Variants in CHST9 observed in about 807,000 individuals in gnomAD.
The protein encoded by CHST9 is carbohydrate sulfotransferase 9.
In CHST9, 41 loss-of-function variants were observed where a neutral mutation model predicts 44.4. The observed-to-expected ratio is 0.92, with a 90% CI of 0.72 to 1.20. The LOEUF (loss-of-function observed/expected upper bound fraction) is 1.20, where lower values mean the gene tolerates loss of function less well. Among genes scored for constraint, CHST9 ranks in the 50% most tolerant of loss-of-function variants. The probability of loss-of-function intolerance (pLI) is 0.00; values close to 1 mark genes in which losing one functional copy is unlikely to be tolerated. For synonymous variants in CHST9, 171 were observed against 178.4 expected (o/e 0.96, Z 0.33); for missense variants, 504 against 516.5 (o/e 0.98, Z 0.23).
At chr18:27,090,238 T>TA (rs1397026922) in intron 2 of CHST9, among the ~76,000 whole-genome samples, 2 of 152,242 alleles carry the variant, frequency 1.3e-5, no homozygotes, top group Non-Finnish European at 2.9e-5. Flanking sequence ...GCTGCATAGA[T>TA]ATCTTCTTTT....
At chr18:27,153,682 T>C (rs998772109) in intron 1 of CHST9, among the ~76,000 whole-genome samples, 4 of 151,938 alleles carry the variant, frequency 2.6e-5, no homozygotes, top group Non-Finnish European at 5.9e-5. Context: ...TTGAGATCCT[T>C]AACTTAATTA....
At chr18:27,075,207 AG>A (rs1456678196) in intron 2 of CHST9, among the ~76,000 whole-genome samples, 2 of 140,500 alleles carry the variant, frequency 1.4e-5, no homozygotes, top group East Asian at 4.1e-4. Flanking sequence ...ACATTTCATT[AG>A]TTGCAAGGAG....
chr18:26,965,223 G>A (rs58569620), intron 4 of CHST9, among the ~76,000 whole-genome samples: 16,109 of 152,170 alleles, frequency 0.11, 1,735 homozygotes, highest in African/African-American at 0.28. Flanking sequence ...GTCATGGCCC[G>A]AAGCTGCACT....
chr18:27,053,275 A>AAGAAGAAGAAGAAGAAGAG (rs1568151279), intron 2 of CHST9, among the ~76,000 whole-genome samples: 12 of 125,720 alleles, frequency 9.5e-5, no homozygotes, highest in African/African-American at 3.7e-4. Flanking sequence ...AAGGAGAAGG[A>AAGAAGAAGAAGAAGAAGAG]GAAGGAGAAG....
At chr18:27,168,115 C>T (rs1388687743) in intron 1 of CHST9, among the ~76,000 whole-genome samples, 2 of 148,846 alleles carry the variant, frequency 1.3e-5, no homozygotes, top group Non-Finnish European at 3.0e-5. Context: ...TGCTCTGTCG[C>T]GCAGGCTGGA....
chr18:27,163,766 T>G (rs964863694), intron 1 of CHST9, among the ~76,000 whole-genome samples: 2 of 151,978 alleles, frequency 1.3e-5, no homozygotes, highest in Non-Finnish European at 2.9e-5. Context: ...ACTTCCCGGG[T>G]GAGGCCATGC....
At chr18:27,018,448 A>C (rs1229042926) in intron 4 of CHST9, among the ~76,000 whole-genome samples, 2 of 152,190 alleles carry the variant, frequency 1.3e-5, no homozygotes, top group Non-Finnish European at 2.9e-5. Flanking sequence ...TCCCTACAAA[A>C]GAAAAAAACC....
At chr18:26,944,559 G>C (rs539605066) in intron 4 of CHST9, among the ~76,000 whole-genome samples, 193 bp from the exon 5 acceptor site, 2 of 151,056 alleles carry the variant, frequency 1.3e-5, no homozygotes, top group South Asian at 4.1e-4. Flanking sequence ...TAAATAAACT[G>C]TGTTAGGCAA....
chr18:27,036,867 A>G (rs1019412429), intron 3 of CHST9, among the ~76,000 whole-genome samples: 1 of 152,154 alleles, frequency 6.6e-6, no homozygotes, highest in African/African-American at 2.4e-5. Context: ...TGTAGGTATG[A>G]TGCTGTCCAG....
chr18:27,094,940 A>G (rs1420867912), intron 2 of CHST9, among the ~76,000 whole-genome samples: 1 of 152,206 alleles, frequency 6.6e-6, no homozygotes, highest in Non-Finnish European at 1.5e-5. Flanking sequence ...AGTGATTTGA[A>G]CAATTTTTAT....
In CHST9 at chr18:26,911,965, G is replaced by A. The variant is rs543464060; in HGVS notation, c.*4294C>T. 1 of 152,296 alleles carries A rather than the reference G, an allele frequency of 6.6e-6. No individual in the cohort carries two copies. The highest frequency in any genetic ancestry group is 1.5e-5 in the Non-Finnish European group (1 of 68,050). 9.4% of individuals were successfully genotyped at this position (152,296 alleles called of 1,614,324 possible). A position where few individuals can be genotyped will look rare whatever the true frequency, so the allele number is the denominator to read the frequency against. On this transcript the variant is annotated 3_prime_UTR_variant, in exon 6 of 6. Transcript: ENST00000618847. ...TGACTACAAACTAGTACTAGGGAAG[G>A]AGACTCAGGAAGAAGGGGATAATGC...
chr18:27,142,801 T>G lies in CHST9; in HGVS notation c.9A>C (p.Pro3=). ...GTTTGGGGTTCATGACCATTTCAGATGGCTGCATTTCTCCTTATTTCAGAA... is the reference window on the plus strand; with the variant it reads ...GTTTGGGGTTCATGACCATTTCAGAGGGCTGCATTTCTCCTTATTTCAGAA... The part of the protein sequence containing the change: MQ[P]SEMVMNPKQV... The change falls in exon 2 of 6, where the codon CCA becomes CCC. Residue 3 remains proline (P), a synonymous_variant. Coordinates refer to ENST00000618847, the MANE Select transcript of CHST9 (RefSeq NM_031422.6). 1.2e-6 allele frequency: 2 copies of G among 1,604,916 alleles called. No individual in the cohort carries two copies. The highest frequency in any genetic ancestry group is 8.5e-7 in the Non-Finnish European group (1 of 1,176,970).
At chr18:27,093,289 C>T (rs1461111241) in intron 2 of CHST9, among the ~76,000 whole-genome samples, 4 of 152,226 alleles carry the variant, frequency 2.6e-5, no homozygotes, top group African/African-American at 9.6e-5. Flanking sequence ...AGCTGTCAGA[C>T]AGGGACATTT....
rs1568151279 is a variant in CHST9, at chr18:27,053,275, A to AAGAG, written c.122-4773_122-4772insCTCT. On this transcript the variant is annotated intron_variant, in intron 2 of 5. Coordinates refer to ENST00000618847, the MANE Select transcript of CHST9 (RefSeq NM_031422.6). ...AAGAAGAAGAAGGAGAAGGAGAAGG[A>AAGAG]GAAGGAGAAGGAGAAGGAGAAGGAG... is the stretch of plus-strand genomic sequence containing the variant. 7.5e-4 allele frequency among the ~76,000 whole-genome samples: 94 copies of AAGAG among 125,716 alleles called. 2 individuals carry two copies. The highest frequency in any genetic ancestry group is 2.6e-3 in the African/African-American group (85 of 32,350). 82.5% of individuals were successfully genotyped at this position (125,716 alleles called of 152,430 possible). A position where few individuals can be genotyped will look rare whatever the true frequency, so the allele number is the denominator to read the frequency against.
intron 4 of CHST9, among the ~76,000 whole-genome samples, chr18:26,973,435 G>A (rs1225411517): frequency 6.6e-6 from 1 of 152,166 alleles, no homozygotes; most frequent in African/African-American, 2.4e-5. Flanking sequence ...AGAAGGCCCC[G>A]GGTTCAAGTA....
intron 2 of CHST9, among the ~76,000 whole-genome samples, chr18:27,115,798 C>T (rs973528775): frequency 2.0e-5 from 3 of 152,196 alleles, no homozygotes; most frequent in Non-Finnish European, 4.4e-5. Context: ...CAGGTGTGAG[C>T]CACCATGTCC....
intron 1 of CHST9, among the ~76,000 whole-genome samples, chr18:27,150,024 CCTCT>C (rs1425564641): frequency 6.6e-6 from 1 of 151,702 alleles, no homozygotes; most frequent in Non-Finnish European, 1.5e-5. Context: ...AGTATTGTGG[CCTCT>C]CTTTCTTAGC....
chr18:26,994,487 C>T (rs574463448), intron 4 of CHST9, among the ~76,000 whole-genome samples: 2 of 152,140 alleles, frequency 1.3e-5, no homozygotes, highest in South Asian at 2.1e-4. Context: ...TCTGATAACA[C>T]GTTTGTTAGG....
At chr18:27,169,598 C>CTTTTTTTTTTTT (rs1156859087) in intron 1 of CHST9, among the ~76,000 whole-genome samples, 2 of 82,162 alleles carry the variant, frequency 2.4e-5, no homozygotes, top group African/African-American at 5.0e-5. Context: ...ATATATTCTT[C>CTTTTTTTTTTTT]TTTTTTTTTT....
Sources: allele counts gnomAD v4.1 joint callset (sites outside exome capture counted in the v4.1 genomes callset), GRCh38; gene constraint gnomAD v4.1.1; transcripts MANE v1.5; gene names NCBI Gene and HGNC (gene_info 2026-07-23, HGNC 2026-07-21).